The following CADM4 variants were observed in gnomAD, a reference collection of about 807,000 sequenced individuals.
The protein encoded by CADM4 is cell adhesion molecule 4.
In CADM4, 13 loss-of-function variants were observed where a neutral mutation model predicts 43.9. The ratio of observed to expected loss-of-function variants is 0.30; its 90% CI spans 0.19 to 0.47. The LOEUF (loss-of-function observed/expected upper bound fraction) is 0.47, where lower values mean the gene tolerates loss of function less well. Among genes scored for constraint, CADM4 ranks in the 20% least tolerant of loss-of-function variants. The pLI is 1.00. For synonymous variants in CADM4, 209 were observed against 220.9 expected, an observed-to-expected ratio of 0.95 and a Z score of 0.48; for missense variants, 420 against 527.0, an observed-to-expected ratio of 0.80 and a Z score of 1.99.
chr19:43,633,118 G>C (rs556663027), intron 1 of CADM4, among the ~76,000 whole-genome samples: 13 of 149,422 alleles, frequency 8.7e-5, no homozygotes, highest in Non-Finnish European at 1.9e-4. Context: ...CTGTCACCCA[G>C]GCTGGAGTGC....
intron 7 of CADM4, 104 bp from the exon 8 acceptor site, chr19:43,624,346 C>CA: frequency 7.0e-7 from 1 of 1,419,676 alleles, no homozygotes; most frequent in Non-Finnish European, 9.7e-7. Flanking sequence ...CTAACCGTGC[C>CA]CTTTTATGTG....
rs1445618722 is a variant in CADM4 at position 43,625,287 on chromosome 19, G to A, written c.756-37C>T. On this transcript the variant is annotated intron_variant, in intron 6 of 8. Transcript: ENST00000222374. This position sits in a 1 kb window ranked among gnomAD's most constrained non-coding sequence, Gnocchi z 4.5. Reference sequence around the variant, plus strand: ...TAAAGTATAGTGAGAGTTAGGAACCGAGGTGCCAGCACCCAATTCTGACTT... The same window carrying A: ...TAAAGTATAGTGAGAGTTAGGAACCAAGGTGCCAGCACCCAATTCTGACTT... 21 of 1,581,490 alleles carry A rather than the reference G, an allele frequency of 1.3e-5. No homozygotes were observed. Among genetic ancestry groups the A allele is most frequent in the East Asian group, 2.3e-5 (1 of 43,964 alleles).
At position 43,627,009 on chromosome 19, in the gene CADM4, A is replaced by G. The variant is rs573699117; in HGVS notation, c.365-91T>C. 88 of 1,485,488 alleles carry G rather than the reference A, an allele frequency of 5.9e-5. 2 individuals carry two copies. The South Asian group carries it at 1.2e-3, about 20-fold the overall frequency. The allele number at this position is 1,485,488 out of a possible 1,614,324, so 92.0% of individuals were successfully genotyped here. On this transcript the variant is annotated intron_variant, in intron 3 of 8. Coordinates refer to ENST00000222374, the MANE Select transcript of CADM4 (RefSeq NM_145296.2). The surrounding 1 kb of genome is among the most constrained non-coding windows in gnomAD (Gnocchi z 4.0). ...CTGCCTGTTCCCAGCGACCATAGGG[A>G]ACCAGGGTCCCAGGTGGCAGGGGTC...
intron 7 of CADM4, 140 bp downstream of exon 7, chr19:43,624,935 GCCC>G (rs1973496918): frequency 1.1e-6 from 1 of 872,026 alleles, no homozygotes; most frequent in Non-Finnish European, 1.7e-6. Flanking sequence ...CCGAATTTGA[GCCC>G]CGCGGGCCAG....
At chr19:43,629,113 T>A (rs551751575) in intron 1 of CADM4, among the ~76,000 whole-genome samples, 1 of 152,316 alleles carries the variant, frequency 6.6e-6, no homozygotes, top group South Asian at 2.1e-4. Context: ...ATGTGACCAA[T>A]TCTGGCCAAT....
Position 43,625,303 on chromosome 19 carries a change from A to G in CADM4, c.756-53T>C, listed in dbSNP as rs1973506187. On this transcript the variant is annotated intron_variant, in intron 6 of 8. Coordinates refer to ENST00000222374, the MANE Select transcript of CADM4 (RefSeq NM_145296.2). The surrounding 1 kb of genome is among the most constrained non-coding windows in gnomAD (Gnocchi z 4.5). ...TTAGGAACCGAGGTGCCAGCACCCAATTCTGACTTGTCAAGAATCTAGACA... is the reference window on the plus strand; with the variant it reads ...TTAGGAACCGAGGTGCCAGCACCCAGTTCTGACTTGTCAAGAATCTAGACA... 1.9e-6 allele frequency: 3 copies of G among 1,546,064 alleles called. No individual in the cohort carries two copies. The highest frequency in any genetic ancestry group is 2.7e-5 in the African/African-American group (2 of 72,944).
In CADM4 at chr19:43,627,178, G is replaced by A; in HGVS notation, c.352C>T (p.Leu118Phe). The A allele has an allele frequency of 6.3e-7, 1 of 1,599,794 alleles. No homozygotes were observed. Among genetic ancestry groups the A allele is most frequent in the Non-Finnish European group, 8.5e-7 (1 of 1,171,540 alleles). Residue 118 changes from leucine to phenylalanine, a missense_variant, in exon 3 of 9, where the codon CTC (leucine) becomes TTC (phenylalanine). By Grantham distance (22) the Leu-to-Phe change is conservative (BLOSUM62 0). Transcript: ENST00000222374. The surrounding 1 kb of genome is among the most constrained non-coding windows in gnomAD (Gnocchi z 4.0). ...GGGAGGGCGTTACCTAGTACCGTGA[G>A]CGTGGCAATCTGGTGGTGGGTGTCT... ...TEDTHHQIAT[L>F]TVLVAPENPV...
Position 43,625,998 on chromosome 19 carries a change from G to T in CADM4, c.668C>A (p.Ser223Tyr), listed in dbSNP as rs1336198515. The stretch of plus-strand genomic sequence containing the variant: ...GGAGGCATGAATCCGGGCCGTGGGG[G>T]AGTCTGTTAGGCAAAAGTAAGAGGA... ...QTQYVLDVQY[S>Y]PTARIHASQA... The change falls in exon 6 of 9, where the codon TCC becomes TAC. Residue 223 changes from serine (S) to tyrosine (Y), a missense_variant. Ser to Tyr is a moderately radical substitution (Grantham distance 144, BLOSUM62 -2). Coordinates refer to ENST00000222374, the MANE Select transcript of CADM4 (RefSeq NM_145296.2). The surrounding 1 kb of genome is among the most constrained non-coding windows in gnomAD (Gnocchi z 4.5). The T allele has an allele frequency of 6.2e-7, 1 of 1,614,162 alleles. No individual in the cohort carries two copies. Among genetic ancestry groups the T allele is most frequent in the Admixed American group, 1.7e-5 (1 of 60,010 alleles).
At chr19:43,635,114 G>A (rs1008310073) in intron 1 of CADM4, among the ~76,000 whole-genome samples, 1 of 150,830 alleles carries the variant, frequency 6.6e-6, no homozygotes, top group African/African-American at 2.4e-5. Context: ...ACAGCTGGTG[G>A]ATGTTTCCAC....
chr19:43,629,161 AC>A (rs1973579281), intron 1 of CADM4, among the ~76,000 whole-genome samples: 2 of 152,250 alleles, frequency 1.3e-5, no homozygotes, highest in South Asian at 4.1e-4. Context: ...TTGCAGCCTG[AC>A]CCATCTCCCT....
chr19:43,629,619 C>CATTATT (rs373697629), intron 1 of CADM4, among the ~76,000 whole-genome samples: 1 of 151,898 alleles, frequency 6.6e-6, no homozygotes, highest in Non-Finnish European at 1.5e-5. Flanking sequence ...TGATTATTAT[C>CATTATT]ATTATTATTA....
At chr19:43,633,057 G>C in intron 1 of CADM4, among the ~76,000 whole-genome samples, 1 of 143,070 alleles carries the variant, frequency 7.0e-6, no homozygotes, top group Non-Finnish European at 1.5e-5. Context: ...GGGTGACAGA[G>C]AGAGACTCTG....
rs113931718 is a variant in CADM4 at position 43,623,320 on chromosome 19, G to A, written c.*10C>T. 3.5e-4 allele frequency: 568 copies of A among 1,608,480 alleles called. 3 individuals are homozygous for A. In the African/African-American group the frequency reaches 6.6e-3, roughly 19 times the overall value. ...CCAGGCCCAGGCCTAGGCCTGGGGT[G>A]GGGATAGGGTCAGATGAAGAATTCC... On this transcript the variant is annotated 3_prime_UTR_variant, in exon 9 of 9. Transcript: ENST00000222374. The surrounding 1 kb of genome is among the most constrained non-coding windows in gnomAD (Gnocchi z 4.4).
rs1973541617 is a variant in CADM4, at chr19:43,627,117, C to A, written c.364+49G>T. ...TGAAAGTCTCAGGAGAAGAGAGAAGCAGAGAAGAAAGGAGGAGAGGATGCG... is the reference window on the plus strand; with the variant it reads ...TGAAAGTCTCAGGAGAAGAGAGAAGAAGAGAAGAAAGGAGGAGAGGATGCG... On this transcript the variant is annotated intron_variant, in intron 3 of 8. Transcript: ENST00000222374. This position sits in a 1 kb window ranked among gnomAD's most constrained non-coding sequence, Gnocchi z 4.0. The A allele has an allele frequency of 1.3e-6, 2 of 1,519,274 alleles. No individual in the cohort carries two copies. The highest frequency in any genetic ancestry group is 1.8e-6 in the Non-Finnish European group (2 of 1,129,760). 94.1% of individuals were successfully genotyped at this position (1,519,274 alleles called of 1,614,324 possible).
chr19:43,624,085 C>T, intron 8 of CADM4, 29 bp downstream of exon 8: 2 of 1,613,220 alleles, frequency 1.2e-6, no homozygotes, highest in Non-Finnish European at 1.7e-6. Context: ...AACCAACCAA[C>T]CGTAGAGTCC....
At chr19:43,635,447 C>T (rs1261004967) in intron 1 of CADM4, among the ~76,000 whole-genome samples, 1 of 151,488 alleles carries the variant, frequency 6.6e-6, no homozygotes, top group Non-Finnish European at 1.5e-5. Flanking sequence ...CCCCTCCTCC[C>T]TCAGAAACCT....
rs1269759925 is a variant in CADM4, at chr19:43,624,927, G to A, written c.928+151C>T. On this transcript the variant is annotated intron_variant, in intron 7 of 8. Transcript: ENST00000222374. ...ACCTGCAATAGAATGCAGCCAACCC[G>A]AATTTGAGCCCCGCGGGCCAGTCTG... The A allele has an allele frequency of 8.6e-5, 70 of 811,670 alleles. No individual in the cohort carries two copies. The Admixed American group carries it at 2.2e-3, about 25-fold the overall frequency. 50.3% of individuals were successfully genotyped at this position (811,670 alleles called of 1,614,324 possible).
chr19:43,630,281 C>CTTTTTTTTTTTTTTTTTTTTTT (rs59489315), intron 1 of CADM4, among the ~76,000 whole-genome samples: 3 of 73,442 alleles, frequency 4.1e-5, no homozygotes, highest in African/African-American at 1.2e-4. Flanking sequence ...TTTTTCTTTT[C>CTTTTTTTTTTTTTTTTTTTTTT]TTTTTTTTTT....
At chr19:43,630,342 G>C (rs961487060) in intron 1 of CADM4, among the ~76,000 whole-genome samples, 1 of 134,394 alleles carries the variant, frequency 7.4e-6, no homozygotes, top group African/African-American at 2.9e-5. Flanking sequence ...CTAGAGTGCA[G>C]TGGTACGATC....
Sources: gnomAD v4.1 joint callset for allele counts (sites outside exome capture counted in the v4.1 genomes callset) on GRCh38, gnomAD v4.1.1 for gene constraint, Gnocchi (gnomAD v3.1) non-coding constraint, MANE v1.5 for transcripts, NCBI Gene and HGNC (gene_info 2026-07-23, HGNC 2026-07-21) for gene names.